Variants in MDFIC observed in about 807,000 individuals in gnomAD.
MDFIC encodes the protein myoD family inhibitor domain-containing protein.
In MDFIC, 17 loss-of-function variants were observed where a neutral mutation model predicts 23.2. That is an observed-to-expected ratio of 0.73 (90% CI 0.50 to 1.10). MDFIC has a LOEUF of 1.10. MDFIC is among the 50% of genes least tolerant of loss of function. MDFIC has a pLI of 0.00. For synonymous variants in MDFIC, 120 were observed against 115.2 expected, an observed-to-expected ratio of 1.04 and a Z score of -0.27; for missense variants, 356 against 316.6, an observed-to-expected ratio of 1.12 and a Z score of -0.95.
intron 3 of MDFIC, 59 bp downstream of exon 3, chr7:114,942,456 C>G: frequency 1.5e-6 from 2 of 1,297,864 alleles, no homozygotes; most frequent in Non-Finnish European, 2.1e-6. Context: ...GTAATATATT[C>G]TTCGTTAATT....
At chr7:114,937,868 C>T (rs1013739850) in intron 2 of MDFIC, among the ~76,000 whole-genome samples, 1 of 152,072 alleles carries the variant, frequency 6.6e-6, no homozygotes, top group East Asian at 1.9e-4. Context: ...ATTTTTAATG[C>T]ATCTTAAATT....
chr7:114,990,206 A>G (rs1793581227), intron 4 of MDFIC, among the ~76,000 whole-genome samples: 1 of 152,174 alleles, frequency 6.6e-6, no homozygotes, highest in Non-Finnish European at 1.5e-5. Context: ...AATAAAAAGG[A>G]GTTTTGATTA....
At chr7:114,933,352 A>G (rs1792365041) in intron 2 of MDFIC, among the ~76,000 whole-genome samples, 1 of 147,746 alleles carries the variant, frequency 6.8e-6, no homozygotes. Context: ...TCCGCCTCCC[A>G]GGTTCAAGCG....
At chr7:114,930,621 A>G (rs1359068084) in intron 2 of MDFIC, among the ~76,000 whole-genome samples, 2 of 152,194 alleles carry the variant, frequency 1.3e-5, no homozygotes, top group East Asian at 3.8e-4. Context: ...GATTTCATGG[A>G]AAGAAGGCCT....
At chr7:114,990,618 AAT>A (rs1404645824) in intron 4 of MDFIC, among the ~76,000 whole-genome samples, 2 of 152,098 alleles carry the variant, frequency 1.3e-5, no homozygotes, top group African/African-American at 4.8e-5. Flanking sequence ...TTGTCCTTGA[AAT>A]AGTTTGCTGA....
At chr7:114,989,513 C>T (rs572956012) in intron 4 of MDFIC, among the ~76,000 whole-genome samples, 1 of 151,872 alleles carries the variant, frequency 6.6e-6, no homozygotes, top group African/African-American at 2.4e-5. Flanking sequence ...AGAGAAGGAA[C>T]ATTTGAAGAT....
chr7:114,962,718 C>T (rs899139736), intron 3 of MDFIC, among the ~76,000 whole-genome samples: 5 of 151,952 alleles, frequency 3.3e-5, no homozygotes, highest in East Asian at 1.9e-4. Context: ...GTGTTTTAAC[C>T]GAGTAAAGGA....
At chr7:115,011,371 T>C (rs1274732472) in intron 4 of MDFIC, among the ~76,000 whole-genome samples, 1 of 152,174 alleles carries the variant, frequency 6.6e-6, no homozygotes, top group African/African-American at 2.4e-5. Flanking sequence ...AATGAAAAAT[T>C]GATGAAAACG....
Position 114,923,138 on chromosome 7 carries a change from G to T in MDFIC, c.94+11G>T. 6.6e-7 allele frequency: 1 copy of T among 1,524,952 alleles called. No homozygotes were observed. Among genetic ancestry groups the T allele is most frequent in the South Asian group, 1.2e-5 (1 of 83,798 alleles). 94.5% of individuals were successfully genotyped at this position (1,524,952 alleles called of 1,614,324 possible). On this transcript the variant is annotated intron_variant, in intron 2 of 4. Transcript: ENST00000393486. ...GCTCCACAGCCCAGGGTGAGTGCGCGCTTGCAAGTGGCAAGCTTCTTTGTC... is the reference window on the plus strand; with the variant it reads ...GCTCCACAGCCCAGGGTGAGTGCGCTCTTGCAAGTGGCAAGCTTCTTTGTC...
At chr7:115,014,648 AC>A in intron 4 of MDFIC, 1 of 682,708 alleles carries the variant, frequency 1.5e-6, no homozygotes, top group Non-Finnish European at 2.0e-6. Context: ...ACACAAAACA[AC>A]CCAGAATTAA....
intron 4 of MDFIC, among the ~76,000 whole-genome samples, chr7:115,002,995 C>T (rs1163405909): frequency 6.6e-6 from 1 of 152,114 alleles, no homozygotes; most frequent in African/African-American, 2.4e-5. Flanking sequence ...GGTCCCTGTT[C>T]CCTCACTTTT....
At chr7:114,973,815 G>T (rs560478195) in intron 3 of MDFIC, among the ~76,000 whole-genome samples, 18 of 152,206 alleles carry the variant, frequency 1.2e-4, no homozygotes, top group Non-Finnish European at 2.5e-4. Context: ...CCTCCTTTGC[G>T]AGTTCCCAGC....
At chr7:114,945,074 T>C (rs887218835) in intron 3 of MDFIC, among the ~76,000 whole-genome samples, 4 of 152,220 alleles carry the variant, frequency 2.6e-5, no homozygotes, top group Admixed American at 2.6e-4. Flanking sequence ...ACGCAAGAAG[T>C]GAAGGAGACA....
intron 4 of MDFIC, among the ~76,000 whole-genome samples, chr7:114,983,389 G>A (rs183117988): frequency 6.6e-5 from 10 of 152,030 alleles, no homozygotes; most frequent in African/African-American, 1.9e-4. Context: ...CTCTAAGGGC[G>A]TCTTTTCTAA....
intron 3 of MDFIC, among the ~76,000 whole-genome samples, chr7:114,971,771 T>C (rs1381926003): frequency 2.0e-5 from 3 of 152,182 alleles, no homozygotes; most frequent in Admixed American, 1.3e-4. Flanking sequence ...GGGGATGTTT[T>C]AGTAATACAT....
intron 2 of MDFIC, among the ~76,000 whole-genome samples, chr7:114,933,334 C>CT (rs1162359126): frequency 1.3e-5 from 2 of 150,554 alleles, no homozygotes; most frequent in Non-Finnish European, 3.0e-5. Context: ...TCTCGGCTCA[C>CT]TGCAGCCTCC....
intron 3 of MDFIC, among the ~76,000 whole-genome samples, chr7:114,969,995 C>A (rs1030648770): frequency 6.6e-6 from 1 of 152,172 alleles, no homozygotes; most frequent in Admixed American, 6.5e-5. Flanking sequence ...CGTAGGATAG[C>A]CACAGTGTAA....
intron 3 of MDFIC, among the ~76,000 whole-genome samples, chr7:114,971,224 A>C (rs1227729243): frequency 6.6e-6 from 1 of 152,202 alleles, no homozygotes; most frequent in East Asian, 1.9e-4. Flanking sequence ...ACACATTTCA[A>C]GAACTGATGA....
At chr7:114,969,771 C>G (rs1417845071) in intron 3 of MDFIC, among the ~76,000 whole-genome samples, 1 of 152,160 alleles carries the variant, frequency 6.6e-6, no homozygotes, top group East Asian at 1.9e-4. Flanking sequence ...TGATCCCTCA[C>G]ACAAACGTAT....
Sources: gnomAD v4.1 joint callset for allele counts (sites outside exome capture counted in the v4.1 genomes callset) on GRCh38, gnomAD v4.1.1 for gene constraint, MANE v1.5 for transcripts, NCBI Gene and HGNC (gene_info 2026-07-23, HGNC 2026-07-21) for gene names.